Variants in COL11A1 observed in about 807,000 individuals in gnomAD.
COL11A1 encodes collagen type XI alpha 1 chain.
Under a neutral mutation model 265.2 loss-of-function variants are expected in COL11A1, and 74 were observed. The ratio of observed to expected loss-of-function variants is 0.28; its 90% CI spans 0.23 to 0.34. The LOEUF (loss-of-function observed/expected upper bound fraction) is 0.34, where lower values mean the gene tolerates loss of function less well. Among genes scored for constraint, COL11A1 ranks in the 10% least tolerant of loss-of-function variants. The pLI is 1.00. For missense variants in COL11A1, 2,165 were observed against 2,263.6 expected (o/e 0.96, Z 0.88); for synonymous variants, 816 against 727.6 (o/e 1.12, Z -1.96).
intron 14 of COL11A1, among the ~76,000 whole-genome samples, chr1:103,009,574 C>A (rs187121490): frequency 3.3e-5 from 5 of 152,232 alleles, no homozygotes; most frequent in Admixed American, 3.3e-4. Context: ...ACTTTCAGAA[C>A]ATTAAAAATA....
intron 4 of COL11A1, among the ~76,000 whole-genome samples, chr1:103,057,800 T>C (rs1213264215): frequency 1.3e-5 from 2 of 152,188 alleles, no homozygotes; most frequent in African/African-American, 4.8e-5. Flanking sequence ...TAAACCATGA[T>C]GCAAATGAAT....
chr1:103,106,557 G>C (rs373930986), intron 1 of COL11A1, among the ~76,000 whole-genome samples: 6 of 152,072 alleles, frequency 3.9e-5, no homozygotes, highest in Non-Finnish European at 7.4e-5. Flanking sequence ...CGGTGACCAG[G>C]TACCAAAAGT....
chr1:103,038,419 C>A (rs761035774), intron 4 of COL11A1, among the ~76,000 whole-genome samples: 3 of 151,966 alleles, frequency 2.0e-5, no homozygotes, highest in Non-Finnish European at 4.4e-5. Flanking sequence ...GAGCCAAGAT[C>A]GCGCCACTGC....
At chr1:102,936,747 G>C (rs1284473541) in intron 44 of COL11A1, among the ~76,000 whole-genome samples, 1 of 152,098 alleles carries the variant, frequency 6.6e-6, no homozygotes, top group Non-Finnish European at 1.5e-5. Context: ...GTGCAAGATA[G>C]AGCAGTGGAA....
At chr1:103,060,058 T>A (rs2102191988) in intron 4 of COL11A1, among the ~76,000 whole-genome samples, 1 of 151,764 alleles carries the variant, frequency 6.6e-6, no homozygotes, top group Admixed American at 6.6e-5. Flanking sequence ...GGAATATCAT[T>A]TTCAAATATC....
At chr1:102,958,844 G>A (rs1295875465) in intron 41 of COL11A1, among the ~76,000 whole-genome samples, 1 of 152,192 alleles carries the variant, frequency 6.6e-6, no homozygotes, top group African/African-American at 2.4e-5. Flanking sequence ...AATATTTCTG[G>A]TTTTTGTTTG....
chr1:102,879,986 C>T (rs996473384), intron 65 of COL11A1, 70 bp from the exon 66 acceptor site: 16 of 1,029,994 alleles, frequency 1.6e-5, no homozygotes, highest in Non-Finnish European at 2.4e-5. Context: ...AATTAAATCA[C>T]TGCAGACAGT....
intron 36 of COL11A1, among the ~76,000 whole-genome samples, chr1:102,972,610 C>A (rs891073370): frequency 6.6e-6 from 1 of 152,234 alleles, no homozygotes; most frequent in African/African-American, 2.4e-5. Flanking sequence ...CAAATAATTT[C>A]ACGGTATCTA....
intron 58 of COL11A1, 57 bp from the exon 59 acceptor site, chr1:102,889,619 T>G (rs1570638601): frequency 7.9e-7 from 1 of 1,269,714 alleles, no homozygotes; most frequent in Non-Finnish European, 1.1e-6. Flanking sequence ...TCATAAAATT[T>G]TAGTTATAAA....
chr1:103,075,221 T>A (rs1410207472), intron 3 of COL11A1, among the ~76,000 whole-genome samples: 2 of 152,194 alleles, frequency 1.3e-5, no homozygotes, highest in Admixed American at 1.3e-4. Context: ...AGATTGACTG[T>A]AACAGGGTAT....
intron 4 of COL11A1, among the ~76,000 whole-genome samples, chr1:103,058,798 T>C (rs1571178178): frequency 6.6e-6 from 1 of 152,144 alleles, no homozygotes. Flanking sequence ...TATTATTATA[T>C]ATAAGATGGT....
chr1:103,064,103 G>C (rs746860179), intron 4 of COL11A1, among the ~76,000 whole-genome samples: 1 of 152,126 alleles, frequency 6.6e-6, no homozygotes, highest in African/African-American at 2.4e-5. Flanking sequence ...ACAAACTCTC[G>C]TTCCTTGCTG....
At chr1:103,078,088 A>C (rs1672116051) in intron 3 of COL11A1, among the ~76,000 whole-genome samples, 1 of 152,112 alleles carries the variant, frequency 6.6e-6, no homozygotes, top group Admixed American at 6.6e-5. Context: ...AAAAGCCTCC[A>C]GTAACTTCCT....
At chr1:102,998,399 AT>A in intron 24 of COL11A1, 36 bp from the exon 25 acceptor site, 1 of 1,457,190 alleles carries the variant, frequency 6.9e-7, no homozygotes, top group Non-Finnish European at 9.2e-7. Flanking sequence ...AAAGATAAAA[AT>A]AATTTTAAAA....
At chr1:103,014,702 C>G (rs1356607981) in intron 12 of COL11A1, 108 bp from the exon 13 acceptor site, 6 of 866,132 alleles carry the variant, frequency 6.9e-6, no homozygotes, top group Non-Finnish European at 1.1e-5. Context: ...TGGGATTTTA[C>G]AAAATTACAA....
intron 28 of COL11A1, among the ~76,000 whole-genome samples, chr1:102,992,862 A>G (rs1014747020): frequency 3.3e-5 from 5 of 152,142 alleles, no homozygotes; most frequent in African/African-American, 1.2e-4. Context: ...TTCCCAATTT[A>G]AAATTTTACT....
chr1:103,065,925 G>T (rs1298138605), intron 4 of COL11A1, among the ~76,000 whole-genome samples: 1 of 152,026 alleles, frequency 6.6e-6, no homozygotes, highest in Non-Finnish European at 1.5e-5. Flanking sequence ...GGTACATCAA[G>T]TACATGATAA....
At chr1:102,945,685 G>A (rs1659188552) in intron 42 of COL11A1, among the ~76,000 whole-genome samples, 1 of 152,006 alleles carries the variant, frequency 6.6e-6, no homozygotes, top group Non-Finnish European at 1.5e-5. Context: ...AACAGTTTGT[G>A]TTTTAATCTT....
intron 39 of COL11A1, 141 bp from the exon 40 acceptor site, chr1:102,962,406 G>A (rs985743204): frequency 2.6e-6 from 2 of 767,082 alleles, no homozygotes; most frequent in Non-Finnish European, 2.2e-6. Context: ...AATGCCATAT[G>A]CATTAAAATG....
Sources: gnomAD v4.1 joint callset for allele counts (sites outside exome capture counted in the v4.1 genomes callset) on GRCh38, gnomAD v4.1.1 for gene constraint, MANE v1.5 for transcripts, NCBI Gene and HGNC (gene_info 2026-07-23, HGNC 2026-07-21) for gene names.